The following TBCK variants were observed in gnomAD, a reference collection of about 807,000 sequenced individuals.
TBCK encodes the protein TBC1 domain containing kinase.
Under a neutral mutation model 113.4 loss-of-function variants are expected in TBCK, and 99 were observed. The ratio of observed to expected loss-of-function variants is 0.87; its 90% confidence interval spans 0.74 to 1.03. TBCK has a LOEUF of 1.03. TBCK is among the 50% of genes least tolerant of loss of function. The pLI, the probability that TBCK is intolerant of heterozygous loss-of-function variation, is 0.00. For synonymous variants in TBCK, 369 were observed against 370.8 expected (o/e 1.00, Z 0.05); for missense variants, 1,045 against 1,061.3 (o/e 0.98, Z 0.21).
At chr4:106,048,107 G>C (rs1025278407) in intron 25 of TBCK, among the ~76,000 whole-genome samples, 15 of 152,198 alleles carry the variant, frequency 9.9e-5, no homozygotes, top group Non-Finnish European at 1.8e-4. Flanking sequence ...TTATTGATCT[G>C]GGGCTCAGGG....
intron 3 of TBCK, among the ~76,000 whole-genome samples, chr4:106,283,806 T>C (rs1334346347): frequency 3.3e-5 from 5 of 150,688 alleles, no homozygotes; most frequent in African/African-American, 1.2e-4. Context: ...GAACAGAGAA[T>C]GGACTGATCT....
At chr4:106,173,257 A>G (rs2149745834) in intron 22 of TBCK, among the ~76,000 whole-genome samples, 1 of 152,320 alleles carries the variant, frequency 6.6e-6, no homozygotes, top group Non-Finnish European at 1.5e-5. Context: ...AAATACAAAC[A>G]CAAACTAGAA....
In TBCK at chr4:106,233,785, TAGAACTCATCTTA is replaced by T. The variant is rs570645972; in HGVS notation, c.1450-148_1450-136del. 3 of 631,326 alleles carry T rather than the reference TAGAACTCATCTTA, an allele frequency of 4.8e-6. No homozygotes were observed. In the East Asian group the frequency reaches 8.8e-5, roughly 19 times the overall value. The allele number at this position is 631,326 out of a possible 1,614,324, so 39.1% of individuals were successfully genotyped here. Reference sequence around the variant, plus strand: ...CAGATAAGCACATTCAAACTCAGGGTAGAACTCATCTTAAGAGAAATTCTCTGTGTCTTTGACA... The same window carrying T: ...CAGATAAGCACATTCAAACTCAGGGTAGAGAAATTCTCTGTGTCTTTGACA... On this transcript the variant is annotated intron_variant, in intron 15 of 25. Coordinates refer to ENST00000394708, the MANE Select transcript of TBCK (RefSeq NM_001163435.3).
At chr4:106,249,561 AGTTTT>A (rs1761204347) in intron 7 of TBCK, among the ~76,000 whole-genome samples, 2 of 152,184 alleles carry the variant, frequency 1.3e-5, no homozygotes, top group Middle Eastern at 3.4e-3. Context: ...AAGGCTTTGT[AGTTTT>A]GTTTTGTTTT....
At chr4:106,130,619 C>CAG (rs1437003830) in intron 23 of TBCK, among the ~76,000 whole-genome samples, 1 of 151,514 alleles carries the variant, frequency 6.6e-6, no homozygotes, top group Non-Finnish European at 1.5e-5. Context: ...CACACACACA[C>CAG]ACACACACAC....
rs777579709 is a variant in TBCK, at chr4:106,248,977, C to T, written c.664G>A (p.Val222Ile). 8 of 1,602,148 alleles carry T rather than the reference C, an allele frequency of 5.0e-6. No homozygotes were observed. The highest frequency in any genetic ancestry group is 6.8e-6 in the Non-Finnish European group (8 of 1,175,414). ...GCCAGAACTATTAAAGTGTCATCTA[C>T]ACAATCTATAAAACAGAAAAACTAT... ...RLKFLLTLDC[V>I]DDTLIVLAEE... The change falls in exon 8 of 26, where the codon GTA becomes ATA. Residue 222 changes from valine (V) to isoleucine (I), a missense_variant. Val to Ile is a conservative substitution (Grantham distance 29, BLOSUM62 3). Transcript: ENST00000394708.
At chr4:106,154,083 C>T (rs940445462) in intron 23 of TBCK, among the ~76,000 whole-genome samples, 1 of 152,012 alleles carries the variant, frequency 6.6e-6, no homozygotes, top group Non-Finnish European at 1.5e-5. Flanking sequence ...TAAGAACTTA[C>T]CCCTGCCATT....
At chr4:106,145,771 T>C (rs896500040) in intron 23 of TBCK, among the ~76,000 whole-genome samples, 7 of 152,180 alleles carry the variant, frequency 4.6e-5, no homozygotes, top group African/African-American at 1.4e-4. Flanking sequence ...AAGACACATA[T>C]GTAGCCAATA....
At chr4:106,174,223 C>T (rs923585473) in intron 22 of TBCK, among the ~76,000 whole-genome samples, 1 of 152,090 alleles carries the variant, frequency 6.6e-6, no homozygotes, top group African/African-American at 2.4e-5. Flanking sequence ...ATATTTGATT[C>T]CTAACTTTTT....
intron 20 of TBCK, among the ~76,000 whole-genome samples, chr4:106,197,839 A>C (rs1754443007): frequency 6.6e-6 from 1 of 152,044 alleles, no homozygotes; most frequent in South Asian, 2.1e-4. Flanking sequence ...AGTCTGATAG[A>C]TATTATTTTT....
intron 23 of TBCK, among the ~76,000 whole-genome samples, chr4:106,150,895 G>T (rs1469424404): frequency 6.6e-6 from 1 of 151,882 alleles, no homozygotes; most frequent in Non-Finnish European, 1.5e-5. Flanking sequence ...CAAATATATT[G>T]AGAACATACT....
rs1211130031 is a variant in TBCK, at chr4:106,194,662, T to C, written c.1897+56A>G. 5 of 1,379,636 alleles carry C rather than the reference T, an allele frequency of 3.6e-6. No individual in the cohort carries two copies. The African/African-American group carries it at 4.4e-5, about 12-fold the overall frequency. 85.5% of individuals were successfully genotyped at this position (1,379,636 alleles called of 1,614,324 possible). ...TGTAAATATAAAATATGGGGAGGCA[T>C]CGGGCTGTCCTTTTGCTAATACAAT... On this transcript the variant is annotated intron_variant, in intron 21 of 25. Transcript: ENST00000394708.
intron 25 of TBCK, among the ~76,000 whole-genome samples, chr4:106,071,861 T>C (rs1737501244): frequency 6.6e-6 from 1 of 152,250 alleles, no homozygotes; most frequent in African/African-American, 2.4e-5. Context: ...ATGGCCTTAA[T>C]TGTCTCTTTT....
intron 15 of TBCK, 121 bp downstream of exon 15, chr4:106,235,148 T>C: frequency 1.8e-6 from 1 of 559,618 alleles, no homozygotes; most frequent in Non-Finnish European, 2.9e-6. Context: ...AATATTCTAA[T>C]GCTTATATTT....
At chr4:106,239,738 T>C (rs12651360) in intron 12 of TBCK, among the ~76,000 whole-genome samples, 19,692 of 151,972 alleles carry the variant, frequency 0.13, 1,608 homozygotes, top group South Asian at 0.24. Context: ...GAAGTAATGA[T>C]TACACCCAAA....
At chr4:106,053,746 T>G (rs143264033) in intron 25 of TBCK, among the ~76,000 whole-genome samples, 74 of 151,666 alleles carry the variant, frequency 4.9e-4, no homozygotes, top group African/African-American at 1.7e-3. Flanking sequence ...CTTAACAGTT[T>G]CAAAGGGGAA....
At chr4:106,269,037 G>A (rs918485453) in intron 3 of TBCK, among the ~76,000 whole-genome samples, 2 of 152,074 alleles carry the variant, frequency 1.3e-5, no homozygotes, top group African/African-American at 2.4e-5. Flanking sequence ...AGTTCAAGAT[G>A]TTCTTTCACC....
intron 23 of TBCK, among the ~76,000 whole-genome samples, chr4:106,123,693 G>A (rs1347009548): frequency 3.3e-5 from 5 of 151,978 alleles, no homozygotes; most frequent in African/African-American, 7.3e-5. Context: ...CAGAAATAAC[G>A]TCGCATATCT....
At chr4:106,113,511 T>C (rs1042562692) in intron 24 of TBCK, among the ~76,000 whole-genome samples, 1 of 152,174 alleles carries the variant, frequency 6.6e-6, no homozygotes, top group African/African-American at 2.4e-5. Context: ...ATTGTTAACA[T>C]GTGGGAGAGG....
Sources: allele counts gnomAD v4.1 joint callset (sites outside exome capture counted in the v4.1 genomes callset), GRCh38; gene constraint gnomAD v4.1.1; transcripts MANE v1.5; gene names NCBI Gene and HGNC (gene_info 2026-07-23, HGNC 2026-07-21).